PCDH15: variants seen among roughly 807,000 people sequenced by gnomAD.
The protein encoded by PCDH15 is protocadherin related 15.
PCDH15 carries 129 observed loss-of-function variants against 178.5 expected under a neutral mutation model. That is an observed-to-expected ratio of 0.72 (90% CI 0.63 to 0.84). PCDH15 has a LOEUF of 0.84. Ranked by LOEUF, PCDH15 falls within the 40% of genes least tolerant of loss-of-function variation. The pLI, the probability that PCDH15 is intolerant of heterozygous loss-of-function variation, is 0.00. For synonymous variants in PCDH15, 800 were observed against 732.0 expected (o/e 1.09, Z -1.50); for missense variants, 2,230 against 2,099.9 (o/e 1.06, Z -1.21).
chr10:54,076,623 T>TA lies in PCDH15; in HGVS notation c.2091+2707dup, dbSNP rs934726399. 5.2e-4 allele frequency among the ~76,000 whole-genome samples: 78 copies of TA among 149,076 alleles called. No individual in the cohort carries two copies. In the East Asian group the frequency reaches 5.9e-3, roughly 11 times the overall value. Reference sequence around the variant, plus strand: ...TAGTTTTATCTGTACCCCCGATAGCTAAAAAAAAAATAAATTACATGACAC... The same window carrying TA: ...TAGTTTTATCTGTACCCCCGATAGCTAAAAAAAAAAATAAATTACATGACAC... On this transcript the variant is annotated intron_variant, in intron 17 of 37. Coordinates refer to ENST00000644397, the MANE Select transcript of PCDH15 (RefSeq NM_001384140.1).
chr10:53,831,514 G>A lies in PCDH15; in HGVS notation c.4003C>T (p.Leu1335Phe). Residue 1335 changes from leucine (L) to phenylalanine (F), a missense_variant, in exon 30 of 38, where the codon CTT becomes TTT. Leu to Phe is a conservative substitution (Grantham distance 22). Transcript: ENST00000644397. ...GGCTGAAAGTCTTTATTGATATCAAGTAGTTTGCCATCCAAAAATCTTTAT... is the reference window on the plus strand; with the variant it reads ...GGCTGAAAGTCTTTATTGATATCAAATAGTTTGCCATCCAAAAATCTTTAT... ...ELFKFLDGKL[L>F]DINKDFQPYY... is the part of the protein sequence containing the mutation. 1 of 1,613,778 alleles carries A rather than the reference G, an allele frequency of 6.2e-7. No individual in the cohort carries two copies.
intron 3 of PCDH15, among the ~76,000 whole-genome samples, chr10:54,505,178 G>A (rs2081061894): frequency 6.6e-6 from 1 of 152,008 alleles, no homozygotes; most frequent in East Asian, 1.9e-4. Context: ...AAAATGGGTT[G>A]CCTTAAGAAA....
Position 54,068,976 on chromosome 10 carries a change from C to A in PCDH15, c.2092-2091G>T, listed in dbSNP as rs113002928. On this transcript the variant is annotated intron_variant, in intron 17 of 37. Coordinates refer to ENST00000644397, the MANE Select transcript of PCDH15 (RefSeq NM_001384140.1). Reference sequence around the variant, plus strand: ...TGACTAGATGGAATCCAGATCATTTCATTTTCCTCGTTACTTTTATATATT... The same window carrying A: ...TGACTAGATGGAATCCAGATCATTTAATTTTCCTCGTTACTTTTATATATT... 4.3e-3 allele frequency among the ~76,000 whole-genome samples: 662 copies of A among 152,310 alleles called. 6 individuals carry two copies. The highest frequency in any genetic ancestry group is 0.02 in the Middle Eastern group (6 of 294).
intron 3 of PCDH15, among the ~76,000 whole-genome samples, chr10:54,456,940 G>GCTT (rs372444806): frequency 5.3e-5 from 8 of 152,194 alleles, no homozygotes; most frequent in African/African-American, 1.9e-4. Context: ...ATGATTGTAA[G>GCTT]CTTCCTGAGG....
chr10:54,749,964 T>C (rs1945988981), intron 1 of PCDH15, among the ~76,000 whole-genome samples: 1 of 152,076 alleles, frequency 6.6e-6, no homozygotes, highest in Non-Finnish European at 1.5e-5. Flanking sequence ...CTGATCTCAG[T>C]TTTCTCATAC....
intron 2 of PCDH15, among the ~76,000 whole-genome samples, chr10:55,516,345 C>T (rs1589101302): frequency 6.6e-6 from 1 of 152,116 alleles, no homozygotes; most frequent in Admixed American, 6.6e-5. Context: ...GGTGAGGCCT[C>T]CCAAGCCACG....
At chr10:54,363,303 C>T (rs1287629539) in intron 5 of PCDH15, among the ~76,000 whole-genome samples, 1 of 152,084 alleles carries the variant, frequency 6.6e-6, no homozygotes, top group African/African-American at 2.4e-5. Flanking sequence ...ATAAAATATG[C>T]AGGTCATTTA....
At chr10:54,415,043 A>G (rs919869853) in intron 3 of PCDH15, among the ~76,000 whole-genome samples, 2 of 152,132 alleles carry the variant, frequency 1.3e-5, no homozygotes, top group African/African-American at 4.8e-5. Context: ...ATATTCAACC[A>G]GAAATACCAT....
intron 2 of PCDH15, among the ~76,000 whole-genome samples, chr10:54,653,091 G>A (rs1251704113): frequency 6.6e-6 from 1 of 152,108 alleles, no homozygotes; most frequent in African/African-American, 2.4e-5. Flanking sequence ...CTATGAGAGA[G>A]GTAGTACCAT....
intron 26 of PCDH15, among the ~76,000 whole-genome samples, chr10:53,893,391 G>A (rs989387946): frequency 6.6e-6 from 1 of 152,262 alleles, no homozygotes; most frequent in South Asian, 2.1e-4. Flanking sequence ...AATTTGAAAT[G>A]ATCATTCATG....
intron 2 of PCDH15, among the ~76,000 whole-genome samples, chr10:54,923,637 C>A (rs1429214586): frequency 7.2e-6 from 1 of 137,978 alleles, no homozygotes; most frequent in African/African-American, 2.5e-5. Flanking sequence ...TAGATTATCT[C>A]TCTCAAGTTC....
chr10:55,133,577 C>T (rs969610801), intron 2 of PCDH15, among the ~76,000 whole-genome samples: 5 of 152,078 alleles, frequency 3.3e-5, no homozygotes, highest in African/African-American at 4.8e-5. Context: ...GACCTCTTTC[C>T]TGATTTCTGG....
At position 54,501,777 on chromosome 10, in the gene PCDH15, A is replaced by G. The variant is rs182071917; in HGVS notation, c.157+26035T>C. On this transcript the variant is annotated intron_variant, in intron 3 of 37. Coordinates refer to ENST00000644397, the MANE Select transcript of PCDH15 (RefSeq NM_001384140.1). ...TACATATAAAAGTATATAATTATAT[A>G]TGATTTGTTTTATTTGATTTTTAAA... 9.9e-3 allele frequency among the ~76,000 whole-genome samples: 1,506 copies of G among 152,184 alleles called. 28 individuals carry two copies. The highest frequency in any genetic ancestry group is 0.034 in the African/African-American group (1,433 of 41,546).
chr10:55,556,416 C>A (rs1477848889), intron 2 of PCDH15, among the ~76,000 whole-genome samples: 4 of 152,080 alleles, frequency 2.6e-5, no homozygotes, highest in African/African-American at 9.7e-5. Flanking sequence ...GATGCTTATG[C>A]CAAATCATGC....
rs147912004 is a variant in PCDH15, at chr10:55,516,832, T to A, written c.-156+110793A>T. Among the ~76,000 whole-genome samples the A allele has an allele frequency of 1.7e-3, 259 of 151,964 alleles. 4 individuals are homozygous for A. The East Asian group carries it at 0.028, about 17-fold the overall frequency. On this transcript the variant is annotated intron_variant, in intron 2 of 5. Transcript: ENST00000613346. ...TCAATTTAGGCAAAAAAATTTCAGA[T>A]TTTTTTTGTGAATTTGATCACATGG...
intron 13 of PCDH15, among the ~76,000 whole-genome samples, chr10:54,171,009 T>C (rs999539730): frequency 5.3e-5 from 8 of 152,070 alleles, no homozygotes; most frequent in Non-Finnish European, 1.0e-4. Flanking sequence ...CTGAGTCAGA[T>C]AACTAAAATA....
intron 3 of PCDH15, among the ~76,000 whole-genome samples, chr10:54,880,186 C>T (rs1383600295): frequency 1.3e-5 from 2 of 152,092 alleles, no homozygotes; most frequent in East Asian, 1.9e-4. Context: ...CCCTGAACTA[C>T]GATTTCCTTG....
intron 2 of PCDH15, among the ~76,000 whole-genome samples, chr10:55,532,035 T>C (rs1841465686): frequency 2.0e-5 from 3 of 152,060 alleles, no homozygotes; most frequent in Non-Finnish European, 2.9e-5. Context: ...GTAATTCTGT[T>C]TTGGAAATTT....
intron 32 of PCDH15, chr10:53,822,387 G>A (rs1564533607): frequency 6.4e-7 from 1 of 1,571,662 alleles, no homozygotes; most frequent in African/African-American, 1.4e-5. Flanking sequence ...AGGAGAGGGA[G>A]GAGGACAAAA....
Sources: gnomAD v4.1 joint callset for allele counts (sites outside exome capture counted in the v4.1 genomes callset) on GRCh38, gnomAD v4.1.1 for gene constraint, MANE v1.5 for transcripts, NCBI Gene and HGNC (gene_info 2026-07-23, HGNC 2026-07-21) for gene names.